EXOC1: variants seen among roughly 807,000 people sequenced by gnomAD.
EXOC1 encodes the protein SEC3-like 1.
EXOC1 carries 67 observed loss-of-function variants against 107.7 expected under a neutral mutation model. That is an observed-to-expected ratio of 0.62 (90% CI 0.51 to 0.76). The LOEUF (loss-of-function observed/expected upper bound fraction) is 0.76, where lower values mean the gene tolerates loss of function less well. Ranked by LOEUF, EXOC1 falls within the 30% of genes least tolerant of loss-of-function variation. The pLI is 0.00. For synonymous variants in EXOC1, 348 were observed against 353.5 expected, an observed-to-expected ratio of 0.98 and a Z score of 0.17; for missense variants, 833 against 1,055.7, an observed-to-expected ratio of 0.79 and a Z score of 2.92.
At chr4:55,890,508 C>G (rs1349566229) in intron 12 of EXOC1, 122 bp downstream of exon 12, 1 of 466,422 alleles carries the variant, frequency 2.1e-6, no homozygotes, top group Admixed American at 3.7e-5. Context: ...TTAACCATGT[C>G]TTTCCAACTG....
At position 55,870,628 on chromosome 4, in the gene EXOC1, T is replaced by G. The variant is rs563534569; in HGVS notation, c.604-50T>G. The G allele has an allele frequency of 2.1e-3, 2,772 of 1,318,348 alleles. 8 individuals are homozygous for G. The highest frequency in any genetic ancestry group is 2.8e-3 in the Non-Finnish European group (2,551 of 927,188). 81.7% of individuals were successfully genotyped at this position (1,318,348 alleles called of 1,614,324 possible). A position where few individuals can be genotyped will look rare whatever the true frequency, so the allele number is the denominator to read the frequency against. ...TACACATCTAAATAACAAGTATGTTTTTTGTTTGTTTGTTTGTTTGTTTGT... is the reference window on the plus strand; with the variant it reads ...TACACATCTAAATAACAAGTATGTTGTTTGTTTGTTTGTTTGTTTGTTTGT... On this transcript the variant is annotated intron_variant, in intron 5 of 18. Coordinates refer to ENST00000381295, the MANE Select transcript of EXOC1 (RefSeq NM_001024924.2).
chr4:55,880,681 TTATA>T (rs1257233587), intron 9 of EXOC1, among the ~76,000 whole-genome samples: 1 of 152,182 alleles, frequency 6.6e-6, no homozygotes, highest in Non-Finnish European at 1.5e-5. Context: ...TGCCCTATCT[TTATA>T]TATAATGCAG....
intron 18 of EXOC1, 123 bp from the exon 19 acceptor site, chr4:55,904,220 A>G: frequency 1.1e-6 from 1 of 897,442 alleles, no homozygotes; most frequent in Non-Finnish European, 1.6e-6. Context: ...TTCTGGTTTC[A>G]GAATGCATGT....
Position 55,886,427 on chromosome 4 carries a change from C to T in EXOC1, c.1331-2461C>T, listed in dbSNP as rs983688240. Among the ~76,000 whole-genome samples the T allele has an allele frequency of 2.6e-5, 4 of 151,922 alleles. No homozygotes were observed. In the South Asian group the frequency reaches 6.2e-4, roughly 24 times the overall value. ...AATTAGCCAGGCATGGTGACATGCA[C>T]CTGTGGTCCCATCTACTCAGGAGGC... is the stretch of plus-strand genomic sequence containing the variant. On this transcript the variant is annotated intron_variant, in intron 10 of 18. Coordinates refer to ENST00000381295, the MANE Select transcript of EXOC1 (RefSeq NM_001024924.2).
chr4:55,885,053 A>T (rs1723739331), intron 10 of EXOC1, among the ~76,000 whole-genome samples: 1 of 152,124 alleles, frequency 6.6e-6, no homozygotes, highest in Admixed American at 6.6e-5. Context: ...CTAAAGGTTA[A>T]TTGTTCTTAA....
chr4:55,891,999 T>G (rs1423469467), intron 13 of EXOC1, among the ~76,000 whole-genome samples: 2 of 152,058 alleles, frequency 1.3e-5, no homozygotes, highest in East Asian at 1.9e-4. Flanking sequence ...GATGAGAGAG[T>G]TTCTTGAGTA....
chr4:55,904,640 C>T lies in EXOC1; in HGVS notation c.*145C>T. 1.3e-6 allele frequency: 1 copy of T among 741,636 alleles called. No individual in the cohort carries two copies. The highest frequency in any genetic ancestry group is 1.9e-6 in the Non-Finnish European group (1 of 515,720). The allele number at this position is 741,636 out of a possible 1,614,324, so 45.9% of individuals were successfully genotyped here. On this transcript the variant is annotated 3_prime_UTR_variant, in exon 19 of 19. Coordinates refer to ENST00000381295, the MANE Select transcript of EXOC1 (RefSeq NM_001024924.2). ...TAGATAAATGGGTAGTACCATACTA[C>T]AAATATTTAAATGCAAAATTACCAA...
At chr4:55,862,459 G>A (rs2110316917) in intron 3 of EXOC1, among the ~76,000 whole-genome samples, 1 of 152,182 alleles carries the variant, frequency 6.6e-6, no homozygotes, top group African/African-American at 2.4e-5. Context: ...GGAGCACTCA[G>A]CTTCTTTTAT....
At chr4:55,867,714 C>T (rs1280526538) in intron 4 of EXOC1, among the ~76,000 whole-genome samples, 1 of 152,102 alleles carries the variant, frequency 6.6e-6, no homozygotes, top group Non-Finnish European at 1.5e-5. Context: ...ATTGAGAAAG[C>T]TGTAACTTAT....
At position 55,871,837 on chromosome 4, in the gene EXOC1, G is replaced by A. The variant is rs754268146; in HGVS notation, c.965-12G>A. On this transcript the variant is annotated splice_polypyrimidine_tract_variant and intron_variant, in intron 7 of 18. Coordinates refer to ENST00000381295, the MANE Select transcript of EXOC1 (RefSeq NM_001024924.2). ...CCCATTAAACTGGTCACAAAATGTC[G>A]TTCTGTGTCAGGCCATGACTTGCTT... 2.2e-5 allele frequency: 36 copies of A among 1,610,464 alleles called. No homozygotes were observed. Among genetic ancestry groups the A allele is most frequent in the South Asian group, 5.5e-5 (5 of 90,726 alleles).
chr4:55,854,549 C>T (rs1334891143), intron 1 of EXOC1, among the ~76,000 whole-genome samples: 1 of 152,180 alleles, frequency 6.6e-6, no homozygotes, highest in Non-Finnish European at 1.5e-5. Context: ...GCCATAGAAA[C>T]ACCCGGCTTC....
chr4:55,862,547 T>G (rs1721576249), intron 3 of EXOC1, among the ~76,000 whole-genome samples: 1 of 152,142 alleles, frequency 6.6e-6, no homozygotes, highest in Non-Finnish European at 1.5e-5. Context: ...TCTTGTTGTG[T>G]TTTTTTGTAA....
intron 7 of EXOC1, 135 bp downstream of exon 7, chr4:55,871,368 G>C: frequency 8.7e-7 from 1 of 1,145,758 alleles, no homozygotes; most frequent in Non-Finnish European, 1.2e-6. Context: ...AAGTTTCACT[G>C]ATTTCCCAAC....
chr4:55,858,366 C>G lies in EXOC1; in HGVS notation c.43C>G (p.Pro15Ala). 1 of 1,609,766 alleles carries G rather than the reference C, an allele frequency of 6.2e-7. No homozygotes were observed. Among genetic ancestry groups the G allele is most frequent in the Non-Finnish European group, 8.5e-7 (1 of 1,178,184 alleles). ...KHALQRDIFT[P>A]NDERLLSIVN... ...TGCATTACAAAGAGACATTTTTACA[C>G]CAAATGATGAACGCCTGCTGAGCAT... Residue 15 changes from proline (P) to alanine (A), a missense_variant, in exon 2 of 19, where the codon CCA becomes GCA. Around this residue, in one of 2 missense-constraint regions of EXOC1, gnomAD observed 617 missense variants for 701.3 expected, o/e 0.88. Coordinates refer to ENST00000381295, the MANE Select transcript of EXOC1 (RefSeq NM_001024924.2).
At chr4:55,899,011 A>G (rs1261656693) in intron 16 of EXOC1, among the ~76,000 whole-genome samples, 1 of 152,174 alleles carries the variant, frequency 6.6e-6, no homozygotes, top group Non-Finnish European at 1.5e-5. Context: ...GTTTAGTGCT[A>G]TGAGCAGTTG....
chr4:55,862,626 T>C (rs1170048131), intron 3 of EXOC1, among the ~76,000 whole-genome samples: 1 of 152,204 alleles, frequency 6.6e-6, no homozygotes, highest in Admixed American at 6.5e-5. Flanking sequence ...TTCTGTTTAT[T>C]AAGCTATAAA....
chr4:55,883,154 T>C (rs1723567043), intron 9 of EXOC1: 1 of 152,156 alleles, frequency 6.6e-6, no homozygotes, highest in South Asian at 2.1e-4. Flanking sequence ...ACTAATGAAG[T>C]TCTTATGGAA....
chr4:55,904,640 C>A lies in EXOC1; in HGVS notation c.*145C>A. On this transcript the variant is annotated 3_prime_UTR_variant, in exon 19 of 19. Transcript: ENST00000381295. Reference sequence around the variant, plus strand: ...TAGATAAATGGGTAGTACCATACTACAAATATTTAAATGCAAAATTACCAA... The same window carrying A: ...TAGATAAATGGGTAGTACCATACTAAAAATATTTAAATGCAAAATTACCAA... The A allele has an allele frequency of 2.7e-6, 2 of 741,630 alleles. No individual in the cohort carries two copies. Among genetic ancestry groups the A allele is most frequent in the Non-Finnish European group, 3.9e-6 (2 of 515,714 alleles). 45.9% of individuals were successfully genotyped at this position (741,630 alleles called of 1,614,324 possible). A position where few individuals can be genotyped will look rare whatever the true frequency, so the allele number is the denominator to read the frequency against.
At position 55,871,228 on chromosome 4, in the gene EXOC1, G is replaced by C. The variant is rs1190513919; in HGVS notation, c.959G>C (p.Arg320Pro). ...ALLQCMNVAL[R>P]PGHDLLLAVK... ...CTGCAGTGCATGAATGTAGCTCTTC[G>C]ACCAGGTATGTTCATTAGAAATGAC... The change falls in exon 7 of 19, where the codon CGA (arginine) becomes CCA (proline). Residue 320 changes from arginine to proline, a missense_variant. Transcript: ENST00000381295. 6.2e-7 allele frequency: 1 copy of C among 1,612,062 alleles called. No individual in the cohort carries two copies. Among genetic ancestry groups the C allele is most frequent in the East Asian group, 2.2e-5 (1 of 44,800 alleles).
Sources: gnomAD v4.1 joint callset for allele counts (sites outside exome capture counted in the v4.1 genomes callset) on GRCh38, gnomAD v4.1.1 for gene constraint, gnomAD v4.1.1 regional missense constraint, MANE v1.5 for transcripts, NCBI Gene and HGNC (gene_info 2026-07-23, HGNC 2026-07-21) for gene names.